Variants in SNX27 observed in about 807,000 individuals in gnomAD.
SNX27 encodes the protein sorting nexin 27.
Under a neutral mutation model 71.6 loss-of-function variants are expected in SNX27, and 22 were observed. The ratio of observed to expected loss-of-function variants is 0.31; its 90% CI spans 0.22 to 0.44. The LOEUF (loss-of-function observed/expected upper bound fraction) is 0.44. SNX27 is among the 20% of genes least tolerant of loss of function. The probability of loss-of-function intolerance (pLI) is 1.00; values close to 1 mark genes in which losing one functional copy is unlikely to be tolerated. For synonymous variants in SNX27, 269 were observed against 277.2 expected, an observed-to-expected ratio of 0.97 and a Z score of 0.29; for missense variants, 531 against 698.6, an observed-to-expected ratio of 0.76 and a Z score of 2.70.
At chr1:151,617,878 GTTTTTTT>G (rs35075644) in intron 1 of SNX27, among the ~76,000 whole-genome samples, 11 of 116,388 alleles carry the variant, frequency 9.5e-5, no homozygotes. Flanking sequence ...TTTTAGAGCT[GTTTTTTT>G]TTTTTTTTTT....
intron 2 of SNX27, among the ~76,000 whole-genome samples, chr1:151,639,641 G>T (rs1402583070): frequency 6.6e-6 from 1 of 152,098 alleles, no homozygotes; most frequent in Non-Finnish European, 1.5e-5. Flanking sequence ...ATTAACTGTG[G>T]TTTTTCCCAC....
intron 1 of SNX27, among the ~76,000 whole-genome samples, chr1:151,623,730 A>G (rs1667783527): frequency 6.6e-6 from 1 of 152,108 alleles, no homozygotes; most frequent in Non-Finnish European, 1.5e-5. Context: ...ATTGTCCTCC[A>G]GTACAAAGAA....
In SNX27 at chr1:151,636,115, C is replaced by A. The variant is rs114287662; in HGVS notation, c.312-2773C>A. Among the ~76,000 whole-genome samples the A allele has an allele frequency of 8.6e-3, 1,306 of 152,182 alleles. 14 individuals are homozygous for A. Among genetic ancestry groups the A allele is most frequent in the Non-Finnish European group, 0.014 (969 of 68,008 alleles). On this transcript the variant is annotated intron_variant, in intron 1 of 11. Coordinates refer to ENST00000458013, the MANE Select transcript of SNX27 (RefSeq NM_001330723.2). ...AGGCACATAAAAAGAATTTTACATA[C>A]AAATTTTGTAGATCCAGTGACTCTC...
chr1:151,613,837 C>A (rs888299984), intron 1 of SNX27: 2 of 152,240 alleles, frequency 1.3e-5, no homozygotes, highest in African/African-American at 2.4e-5. Context: ...CAGCAGTCTT[C>A]AGTGCTGTGT....
rs750434803 is a variant in SNX27 at position 151,662,222 on chromosome 1, G to A, written c.858G>A (p.Thr286=). The change falls in exon 5 of 12, where the codon ACG becomes ACA. Residue 286 remains threonine (T), a synonymous_variant. Coordinates refer to ENST00000458013, the MANE Select transcript of SNX27 (RefSeq NM_001330723.2). ...GAGTAGCATTACCAGATGGAACAAC[G>A]GTTACAGTCAGGGTTAAAAAGAACA... ...ELRVALPDGT[T]VTVRVKKNST... The A allele has an allele frequency of 1.8e-5, 29 of 1,613,598 alleles. No individual in the cohort carries two copies. Among genetic ancestry groups the A allele is most frequent in the Admixed American group, 5.0e-5 (3 of 59,998 alleles).
At chr1:151,627,656 GGGCTCAAACAGTCCACCCGCTTT>G (rs1668007787) in intron 1 of SNX27, among the ~76,000 whole-genome samples, 3 of 151,898 alleles carry the variant, frequency 2.0e-5, no homozygotes, top group Non-Finnish European at 2.9e-5. Context: ...TCGAACTCCT[GGGCTCAAACAGTCCACCCGCTTT>G]GGCTTCCCAA....
At chr1:151,615,814 A>AC in intron 1 of SNX27, 1 of 985,102 alleles carries the variant, frequency 1.0e-6, no homozygotes, top group Non-Finnish European at 1.2e-6. Context: ...GGTGTGAAAG[A>AC]ACAGAGTAAC....
Position 151,612,138 on chromosome 1 carries a change from G to A in SNX27, c.-64G>A, listed in dbSNP as rs2102577848. The A allele has an allele frequency of 7.8e-7, 1 of 1,279,568 alleles. No individual in the cohort carries two copies. The highest frequency in any genetic ancestry group is 2.9e-4 in the Middle Eastern group (1 of 3,418). 79.3% of individuals were successfully genotyped at this position (1,279,568 alleles called of 1,614,324 possible). A position where few individuals can be genotyped will look rare whatever the true frequency, so the allele number is the denominator to read the frequency against. On this transcript the variant is annotated 5_prime_UTR_variant, in exon 1 of 12. Transcript: ENST00000458013. The surrounding 1 kb of genome is among the most constrained non-coding windows in gnomAD (Gnocchi z 5.2). ...GGGGGTCGTCCGGCTGCCAGGCAGG[G>A]CGAGCACGCGCCGGGAGGCCTTGGA... is the stretch of plus-strand genomic sequence containing the variant.
Position 151,683,402 on chromosome 1 carries a change from C to T in SNX27, c.1196C>T (p.Ser399Phe). The change falls in exon 8 of 12, where the codon TCC (serine) becomes TTC (phenylalanine). Residue 399 changes from serine (S) to phenylalanine (F), a missense_variant. Coordinates refer to ENST00000458013, the MANE Select transcript of SNX27 (RefSeq NM_001330723.2). ...GGTTACATCAAAGCAGAAGAAAAGT[C>T]CTATCAATTACAGAAGCTATACGAA... is the stretch of plus-strand genomic sequence containing the variant. ...KKGYIKAEEK[S>F]YQLQKLYEQR... 1 of 1,613,796 alleles carries T rather than the reference C, an allele frequency of 6.2e-7. No individual in the cohort carries two copies. Among genetic ancestry groups the T allele is most frequent in the South Asian group, 1.1e-5 (1 of 91,028 alleles).
chr1:151,694,148 G>GT, intron 11 of SNX27: 1 of 1,308,756 alleles, frequency 7.6e-7, no homozygotes. Context: ...CTAGCTTTCA[G>GT]TTTTCTCTTC....
intron 8 of SNX27, among the ~76,000 whole-genome samples, chr1:151,688,556 C>CG (rs1233627332): frequency 6.7e-6 from 1 of 148,690 alleles, no homozygotes; most frequent in Non-Finnish European, 1.5e-5. Flanking sequence ...TGCTTGAACC[C>CG]GGGAGGCGGA....
rs1332124019 is a variant in SNX27, at chr1:151,696,640, CCTTT to C, written c.*2224_*2227del. 1 of 140,528 alleles carries C rather than the reference CCTTT, an allele frequency of 7.1e-6. No homozygotes were observed. The highest frequency in any genetic ancestry group is 7.6e-5 in the Admixed American group (1 of 13,118). 8.7% of individuals were successfully genotyped at this position (140,528 alleles called of 1,614,324 possible). On this transcript the variant is annotated 3_prime_UTR_variant, in exon 12 of 12. Coordinates refer to ENST00000458013, the MANE Select transcript of SNX27 (RefSeq NM_001330723.2). Reference sequence around the variant, plus strand: ...CACTTTTCTTTCCCCTTCCTTCCTTCCTTTTTTTCTGTTTTTTTTTTTTTTTTTT... The same window carrying C: ...CACTTTTCTTTCCCCTTCCTTCCTTCTTTTCTGTTTTTTTTTTTTTTTTTT...
intron 7 of SNX27, among the ~76,000 whole-genome samples, chr1:151,674,681 T>A (rs1201716429): frequency 6.6e-6 from 1 of 151,822 alleles, no homozygotes; most frequent in Non-Finnish European, 1.5e-5. Context: ...GATCTCAGAA[T>A]TTGATTGTTT....
chr1:151,698,903 T>C lies in SNX27; in HGVS notation c.*4486T>C, dbSNP rs1342111710. 1 of 152,700 alleles carries C rather than the reference T, an allele frequency of 6.5e-6. No homozygotes were observed. Among genetic ancestry groups the C allele is most frequent in the Non-Finnish European group, 1.5e-5 (1 of 68,050 alleles). 9.5% of individuals were successfully genotyped at this position (152,700 alleles called of 1,614,324 possible). On this transcript the variant is annotated 3_prime_UTR_variant, in exon 12 of 12. Transcript: ENST00000458013. Reference sequence around the variant, plus strand: ...ATTGTATTTTCACTGCAGTATCTTGTATTTTTTATTTGTGATTTAAGAAAT... The same window carrying C: ...ATTGTATTTTCACTGCAGTATCTTGCATTTTTTATTTGTGATTTAAGAAAT...
In SNX27 at chr1:151,626,924, C is replaced by T. The variant is rs564342058; in HGVS notation, c.312-11964C>T. On this transcript the variant is annotated intron_variant, in intron 1 of 11. Coordinates refer to ENST00000458013, the MANE Select transcript of SNX27 (RefSeq NM_001330723.2). ...ATACTGTAAAGTGCTCCAGGCTCAT[C>T]TTGTATATTTCCTGCTGTAGTCCTA... is the stretch of plus-strand genomic sequence containing the variant. Among the ~76,000 whole-genome samples the T allele has an allele frequency of 3.3e-5, 5 of 152,172 alleles. No individual in the cohort carries two copies. The South Asian group carries it at 1.0e-3, about 32-fold the overall frequency.
intron 2 of SNX27, among the ~76,000 whole-genome samples, chr1:151,643,959 C>T (rs1185321704): frequency 6.6e-6 from 1 of 152,132 alleles, no homozygotes; most frequent in African/African-American, 2.4e-5. Context: ...TGCGCCTGGC[C>T]AATTTAGTTT....
chr1:151,620,027 A>T (rs1221805281), intron 1 of SNX27, among the ~76,000 whole-genome samples: 1 of 152,226 alleles, frequency 6.6e-6, no homozygotes, highest in African/African-American at 2.4e-5. Context: ...TTTAAACTGG[A>T]TTGAAGAACA....
chr1:151,653,106 T>C (rs1196459), intron 2 of SNX27, among the ~76,000 whole-genome samples: 84,109 of 151,786 alleles, frequency 0.55, 24,908 homozygotes, highest in Non-Finnish European at 0.68. Flanking sequence ...TTTGTATTTT[T>C]AGTAGAGACA....
At position 151,639,150 on chromosome 1, in the gene SNX27, A is replaced by G. The variant is rs372669026; in HGVS notation, c.543+31A>G. 6.4e-6 allele frequency: 10 copies of G among 1,573,988 alleles called. No individual in the cohort carries two copies. The African/African-American group carries it at 1.2e-4, about 19-fold the overall frequency. Reference sequence around the variant, plus strand: ...TGTCAGCCCAACTCGATCCTCGAACATCTAGCTTTGTTTCCCCTAGTCTTA... The same window carrying G: ...TGTCAGCCCAACTCGATCCTCGAACGTCTAGCTTTGTTTCCCCTAGTCTTA... On this transcript the variant is annotated intron_variant, in intron 2 of 11. Coordinates refer to ENST00000458013, the MANE Select transcript of SNX27 (RefSeq NM_001330723.2).
Sources: allele counts gnomAD v4.1 joint callset (sites outside exome capture counted in the v4.1 genomes callset), GRCh38; gene constraint gnomAD v4.1.1; non-coding constraint Gnocchi (gnomAD v3.1); transcripts MANE v1.5; gene names NCBI Gene and HGNC (gene_info 2026-07-23, HGNC 2026-07-21).